The following GPC5 variants were observed in gnomAD, a reference collection of about 807,000 sequenced individuals.
GPC5 encodes the protein glypican-5.
GPC5 carries 47 observed loss-of-function variants against 53.9 expected under a neutral mutation model. That is an observed-to-expected ratio of 0.87 (90% CI 0.69 to 1.11). The LOEUF (loss-of-function observed/expected upper bound fraction) is 1.11. Among genes scored for constraint, GPC5 ranks in the 50% most tolerant of loss-of-function variants. The pLI is 0.00. For missense variants in GPC5, 748 were observed against 713.1 expected (o/e 1.05, Z -0.56); for synonymous variants, 286 against 263.3 (o/e 1.09, Z -0.84).
chr13:92,197,549 G>A (rs947726402), intron 7 of GPC5, among the ~76,000 whole-genome samples: 1 of 152,132 alleles, frequency 6.6e-6, no homozygotes, highest in African/African-American at 2.4e-5. Context: ...CCAGGATGGA[G>A]TGTGGTGGTA....
At chr13:92,365,302 A>G (rs2043598989) in intron 7 of GPC5, among the ~76,000 whole-genome samples, 1 of 151,772 alleles carries the variant, frequency 6.6e-6, no homozygotes, top group Non-Finnish European at 1.5e-5. Flanking sequence ...ATAGTTAAAC[A>G]TAGAAAAGGT....
chr13:91,759,671 C>T (rs777668538), intron 5 of GPC5, among the ~76,000 whole-genome samples: 1 of 151,884 alleles, frequency 6.6e-6, no homozygotes, highest in Non-Finnish European at 1.5e-5. Context: ...ATAATGGCCT[C>T]CAGTTCCATC....
intron 6 of GPC5, among the ~76,000 whole-genome samples, chr13:92,117,629 C>T (rs9589434): frequency 0.058 from 8,853 of 152,058 alleles, 890 homozygotes; most frequent in African/African-American, 0.2. Flanking sequence ...CCATGTATCT[C>T]TCCTTCTATT....
chr13:91,834,437 A>C (rs2038699614), intron 5 of GPC5, among the ~76,000 whole-genome samples: 1 of 152,192 alleles, frequency 6.6e-6, no homozygotes, highest in South Asian at 2.1e-4. Flanking sequence ...CACACAGCCA[A>C]GGCAATCCTA....
intron 6 of GPC5, among the ~76,000 whole-genome samples, chr13:91,963,475 T>G (rs1215338802): frequency 6.6e-6 from 1 of 152,190 alleles, no homozygotes; most frequent in Non-Finnish European, 1.5e-5. Flanking sequence ...AGAGAACACA[T>G]AAAGTCAAAA....
At chr13:92,643,937 G>A (rs1299768919) in intron 7 of GPC5, among the ~76,000 whole-genome samples, 3 of 152,134 alleles carry the variant, frequency 2.0e-5, no homozygotes, top group African/African-American at 7.2e-5. Flanking sequence ...GAACACTAAG[G>A]AAAATGCTGT....
At chr13:91,948,892 G>A (rs915003221) in intron 6 of GPC5, among the ~76,000 whole-genome samples, 2 of 152,104 alleles carry the variant, frequency 1.3e-5, no homozygotes, top group African/African-American at 4.8e-5. Context: ...TCATGTTTTT[G>A]TTTTTTCTTT....
chr13:92,814,774 T>G (rs1291526502), intron 7 of GPC5, among the ~76,000 whole-genome samples: 2 of 151,978 alleles, frequency 1.3e-5, no homozygotes, highest in Non-Finnish European at 2.9e-5. Context: ...GATGGTGATA[T>G]TATCATGTGG....
chr13:91,758,997 C>A (rs187063680), intron 5 of GPC5, among the ~76,000 whole-genome samples: 3 of 152,228 alleles, frequency 2.0e-5, no homozygotes, highest in African/African-American at 7.2e-5. Flanking sequence ...CTCCTACCAC[C>A]TCTAAGGCTA....
chr13:92,667,069 A>C (rs186293850), intron 7 of GPC5, among the ~76,000 whole-genome samples: 1 of 152,146 alleles, frequency 6.6e-6, no homozygotes, highest in Non-Finnish European at 1.5e-5. Flanking sequence ...AACTATTCAC[A>C]AAAAAAGATA....
chr13:92,696,969 G>A (rs1887574606), intron 7 of GPC5, among the ~76,000 whole-genome samples: 1 of 152,066 alleles, frequency 6.6e-6, no homozygotes, highest in Non-Finnish European at 1.5e-5. Context: ...TTTCCCCATT[G>A]CTTGTTTTTG....
chr13:92,242,301 T>C (rs771779472), intron 7 of GPC5, among the ~76,000 whole-genome samples: 2 of 151,760 alleles, frequency 1.3e-5, no homozygotes, highest in Non-Finnish European at 2.9e-5. Flanking sequence ...TTACCAGTGA[T>C]ACTAAATTTA....
intron 7 of GPC5, among the ~76,000 whole-genome samples, chr13:92,318,923 C>T (rs548730295): frequency 1.3e-5 from 2 of 152,166 alleles, no homozygotes; most frequent in African/African-American, 4.8e-5. Context: ...GAAACTGATG[C>T]AGTATCTGGC....
intron 7 of GPC5, among the ~76,000 whole-genome samples, chr13:92,245,403 A>G (rs748602006): frequency 5.3e-5 from 8 of 152,134 alleles, no homozygotes; most frequent in Non-Finnish European, 8.8e-5. Flanking sequence ...TTGTCTCTCC[A>G]TCCACATACT....
intron 5 of GPC5, among the ~76,000 whole-genome samples, chr13:91,854,932 A>C (rs531204241): frequency 4.6e-5 from 7 of 151,852 alleles, no homozygotes; most frequent in African/African-American, 1.4e-4. Flanking sequence ...AGCACTTTCA[A>C]GTCACACGAT....
chr13:91,511,689 C>G (rs528688189), intron 2 of GPC5, among the ~76,000 whole-genome samples: 1 of 151,938 alleles, frequency 6.6e-6, no homozygotes, highest in African/African-American at 2.4e-5. Flanking sequence ...ACATATTTTC[C>G]ATTTATAGTA....
At chr13:91,888,947 A>G (rs1250498947) in intron 5 of GPC5, among the ~76,000 whole-genome samples, 1 of 152,086 alleles carries the variant, frequency 6.6e-6, no homozygotes, top group Non-Finnish European at 1.5e-5. Context: ...AAGAAGGGAG[A>G]GAAGAATGTC....
intron 6 of GPC5, among the ~76,000 whole-genome samples, chr13:92,054,459 A>G (rs1214076579): frequency 6.6e-6 from 1 of 152,116 alleles, no homozygotes; most frequent in Non-Finnish European, 1.5e-5. Flanking sequence ...TGAGTATTTT[A>G]TGTATATTAA....
At chr13:92,285,923 CA>C (rs139576817) in intron 7 of GPC5, among the ~76,000 whole-genome samples, 12,984 of 150,424 alleles carry the variant, frequency 0.086, 617 homozygotes, top group Middle Eastern at 0.12. Context: ...TTCTGCACAG[CA>C]AAAAAAAACC....
Sources: gnomAD v4.1 joint callset for allele counts (sites outside exome capture counted in the v4.1 genomes callset) on GRCh38, gnomAD v4.1.1 for gene constraint, MANE v1.5 for transcripts, NCBI Gene and HGNC (gene_info 2026-07-23, HGNC 2026-07-21) for gene names.